The following A2ML1 variants were observed in gnomAD, a reference collection of about 807,000 sequenced individuals.
The protein encoded by A2ML1 is alpha-2-macroglobulin-like protein 1.
A neutral mutation model predicts 181.9 loss-of-function variants in A2ML1; 161 were observed. The ratio of observed to expected loss-of-function variants is 0.89; its 90% CI spans 0.78 to 1.01. A2ML1 has a LOEUF of 1.01. Ranked by LOEUF, A2ML1 falls within the 50% of genes least tolerant of loss-of-function variation. The pLI, the probability that A2ML1 is intolerant of heterozygous loss-of-function variation, is 0.00. For synonymous variants in A2ML1, 663 were observed against 666.8 expected, an observed-to-expected ratio of 0.99 and a Z score of 0.09; for missense variants, 1,670 against 1,768.1, an observed-to-expected ratio of 0.94 and a Z score of 1.00.
chr12:8,860,366 T>C (rs1944213386), intron 26 of A2ML1, among the ~76,000 whole-genome samples: 1 of 152,120 alleles, frequency 6.6e-6, no homozygotes, highest in Admixed American at 6.6e-5. Flanking sequence ...TCTTGTTAAG[T>C]GTTTGTTTTC....
chr12:8,863,501 C>A (rs1186059192), intron 28 of A2ML1, among the ~76,000 whole-genome samples: 1 of 152,186 alleles, frequency 6.6e-6, no homozygotes, highest in Non-Finnish European at 1.5e-5. Context: ...TAAGAAGCTT[C>A]TATTTACCTA....
chr12:8,833,077 G>T (rs1943169048), intron 4 of A2ML1, among the ~76,000 whole-genome samples: 1 of 150,118 alleles, frequency 6.7e-6, no homozygotes, highest in Non-Finnish European at 1.5e-5. Context: ...GGGTTCAAAG[G>T]ATTCTCCCGC....
chr12:8,861,885 G>A (rs755547890), intron 28 of A2ML1, among the ~76,000 whole-genome samples: 22 of 152,048 alleles, frequency 1.4e-4, no homozygotes, highest in Non-Finnish European at 2.8e-4. Flanking sequence ...TCAGCCTCCC[G>A]AGTAGATGGG....
At chr12:8,841,021 A>AGGAAGGAAGGACGGAC (rs1555109424) in intron 10 of A2ML1, among the ~76,000 whole-genome samples, 13,553 of 122,560 alleles carry the variant, frequency 0.11, 983 homozygotes, top group East Asian at 0.24. Flanking sequence ...GACGGAAGGA[A>AGGAAGGAAGGACGGAC]GGAAGGAAGG....
At chr12:8,823,438 T>C in intron 2 of A2ML1, 73 bp downstream of exon 2, 1 of 1,459,160 alleles carries the variant, frequency 6.9e-7, no homozygotes, top group African/African-American at 1.4e-5. Context: ...TATAATCTAC[T>C]TTAAGTATAA....
rs761954666 is a variant in A2ML1 at position 8,845,322 on chromosome 12, G to A, written c.1477-120G>A. The A allele has an allele frequency of 1.1e-5, 15 of 1,419,560 alleles. No individual in the cohort carries two copies. In the African/African-American group the frequency reaches 1.4e-4, roughly 13 times the overall value. The allele number at this position is 1,419,560 out of a possible 1,614,324, so 87.9% of individuals were successfully genotyped here. ...TGGATGCTGGGTGAGGTATTGACCC[G>A]GACTCTGAACTGTGAAAGGAACCTC... On this transcript the variant is annotated intron_variant, in intron 12 of 35. Transcript: ENST00000299698.
chr12:8,842,433 A>C (rs770555510), intron 11 of A2ML1, among the ~76,000 whole-genome samples: 29 of 152,084 alleles, frequency 1.9e-4, no homozygotes, highest in Admixed American at 6.5e-4. Flanking sequence ...GTTAGCCAGG[A>C]TGGTCTCGAT....
intron 32 of A2ML1, 142 bp from the exon 33 acceptor site, chr12:8,868,993 T>A: frequency 1.3e-6 from 1 of 756,894 alleles, no homozygotes; most frequent in Non-Finnish European, 2.2e-6. Flanking sequence ...ATATATGACA[T>A]GCAACTTGTA....
chr12:8,841,963 T>C (rs1943493752), intron 11 of A2ML1, among the ~76,000 whole-genome samples: 2 of 152,222 alleles, frequency 1.3e-5, no homozygotes, highest in Non-Finnish European at 2.9e-5. Flanking sequence ...ATGCTTCTTA[T>C]CAAACAGCTA....
At chr12:8,824,798 G>A (rs1183150637) in intron 3 of A2ML1, among the ~76,000 whole-genome samples, 2 of 151,964 alleles carry the variant, frequency 1.3e-5, no homozygotes, top group Admixed American at 1.3e-4. Context: ...GACTTCAATT[G>A]TTTTAATTTT....
downstream of A2ML1, among the ~76,000 whole-genome samples, chr12:8,881,742 T>C (rs1340405150): frequency 6.6e-6 from 1 of 152,168 alleles, no homozygotes. Flanking sequence ...CTGGGTGTGG[T>C]GGCTCACACC....
At chr12:8,887,176 A>AC (rs940196743), downstream of A2ML1, among the ~76,000 whole-genome samples, 15 of 151,842 alleles carry the variant, frequency 9.9e-5, no homozygotes, top group Non-Finnish European at 1.3e-4. Flanking sequence ...AACAAAAAAA[A>AC]CAAAAAAACC....
At position 8,834,940 on chromosome 12, in the gene A2ML1, T is replaced by C. The variant is rs148260101; in HGVS notation, c.483+258T>C. The C allele has an allele frequency of 7.9e-4, 414 of 521,872 alleles. 1 individual carries two copies. The East Asian group carries it at 0.012, about 15-fold the overall frequency. The allele number at this position is 521,872 out of a possible 1,614,324, so 32.3% of individuals were successfully genotyped here. A position where few individuals can be genotyped will look rare whatever the true frequency, so the allele number is the denominator to read the frequency against. On this transcript the variant is annotated intron_variant, in intron 5 of 35. Coordinates refer to ENST00000299698, the MANE Select transcript of A2ML1 (RefSeq NM_144670.6). The stretch of plus-strand genomic sequence containing the variant: ...ACACCGCTCTCTCATTCCCCTAACT[T>C]CTCTGTGCCCAGATGACTTAACCAG...
chr12:8,839,347 A>C, intron 10 of A2ML1, 125 bp downstream of exon 10: 1 of 585,226 alleles, frequency 1.7e-6, no homozygotes, highest in Non-Finnish European at 3.0e-6. Context: ...TATTCATTTT[A>C]ATCTTTAGAA....
Position 8,874,515 on chromosome 12 carries a change from T to C in A2ML1, c.4312T>C (p.Tyr1438His). 6.2e-7 allele frequency: 1 copy of C among 1,613,376 alleles called. No individual in the cohort carries two copies. ...ACCAGCAACCATCAAGGTCTATGAC[T>C]ACTACCTACCAGGTGAGAGGGCTGA... ...LKPATIKVYD[Y>H]YLPDEQATIQ... Residue 1438 changes from tyrosine (Y) to histidine (H), a missense_variant, in exon 34 of 36, where the codon TAC becomes CAC. Tyr to His is a moderately conservative substitution (Grantham distance 83). Coordinates refer to ENST00000299698, the MANE Select transcript of A2ML1 (RefSeq NM_144670.6).
Position 8,854,767 on chromosome 12 carries a change from C to T in A2ML1, c.2713-13C>T, listed in dbSNP as rs753933253. ...ATCTTTGTTGTTTTTATCTGTGTCT[C>T]TCTTCATCGCAGCCTGAGGGAGTCC... On this transcript the variant is annotated splice_polypyrimidine_tract_variant and intron_variant, in intron 21 of 35. Coordinates refer to ENST00000299698, the MANE Select transcript of A2ML1 (RefSeq NM_144670.6). 1.2e-6 allele frequency: 2 copies of T among 1,614,102 alleles called. No homozygotes were observed. The highest frequency in any genetic ancestry group is 1.7e-6 in the Non-Finnish European group (2 of 1,179,998).
In A2ML1 at chr12:8,823,339, A is replaced by G. The variant is rs1329161509; in HGVS notation, c.220A>G (p.Arg74Gly). ...KLLEYSGLKK[R>G]HLHCISFLVP... ...GCTAGAATACTCTGGACTGAAGAAG[A>G]GGCACTTACATTGTATCTCCTTTCT... is the stretch of plus-strand genomic sequence containing the variant. The change falls in exon 2 of 36, where the codon AGG becomes GGG. Residue 74 changes from arginine to glycine, a missense_variant. Transcript: ENST00000299698. The G allele has an allele frequency of 1.2e-6, 2 of 1,613,976 alleles. No homozygotes were observed. The highest frequency in any genetic ancestry group is 1.7e-6 in the Non-Finnish European group (2 of 1,179,976).
In A2ML1 at chr12:8,841,416, G is replaced by C; in HGVS notation, c.1128G>C (p.Val376=). 1 of 1,614,088 alleles carries C rather than the reference G, an allele frequency of 6.2e-7. No individual in the cohort carries two copies. ...ACTCCTTCCTCAAGAACCATCTAGT[G>C]TTTCTGGTGATTTATGGCACAAATG... is the stretch of plus-strand genomic sequence containing the variant. ...HDDSFLKNHL[V]FLVIYGTNGT... Residue 376 remains valine (V), a synonymous_variant, in exon 11 of 36, where the codon GTG becomes GTC. Coordinates refer to ENST00000299698, the MANE Select transcript of A2ML1 (RefSeq NM_144670.6).
rs374569843 is a variant in A2ML1 at position 8,875,007 on chromosome 12, A to G, written c.4361A>G (p.Glu1454Gly). The G allele has an allele frequency of 3.0e-5, 48 of 1,614,082 alleles. No homozygotes were observed. The highest frequency in any genetic ancestry group is 4.1e-5 in the Non-Finnish European group (48 of 1,179,968). Residue 1454 changes from glutamate (E) to glycine (G), a missense_variant, in exon 35 of 36, where the codon GAA (glutamate) becomes GGA (glycine). Glu to Gly is a moderately conservative substitution (Grantham distance 98, BLOSUM62 -2). Transcript: ENST00000299698. ...ACAATTCAGTATTCTGATCCCTGTG[A>G]ATGAGGTAAGTCCAGCGGAGAAATG... Reference protein sequence around the residue: ...QATIQYSDPCE With the variant: ...QATIQYSDPCG
Sources: allele counts gnomAD v4.1 joint callset (sites outside exome capture counted in the v4.1 genomes callset), GRCh38; gene constraint gnomAD v4.1.1; transcripts MANE v1.5; gene names NCBI Gene and HGNC (gene_info 2026-07-23, HGNC 2026-07-21).